The following AKNA variants were observed in gnomAD, a reference collection of about 807,000 sequenced individuals.
AKNA encodes the protein microtubule organization protein AKNA.
Under a neutral mutation model 138.8 loss-of-function variants are expected in AKNA, and 67 were observed. The observed-to-expected ratio is 0.48, with a 90% confidence interval of 0.40 to 0.59. The LOEUF (loss-of-function observed/expected upper bound fraction) is 0.59. Among genes scored for constraint, AKNA ranks in the 20% least tolerant of loss-of-function variants. The probability of loss-of-function intolerance (pLI) is 0.00; values close to 1 mark genes in which losing one functional copy is unlikely to be tolerated. For synonymous variants in AKNA, 737 were observed against 754.4 expected (o/e 0.98, Z 0.38); for missense variants, 1,813 against 1,880.4 (o/e 0.96, Z 0.66).
At chr9:114,396,913 C>T (rs1834551599), upstream of AKNA, 1 of 152,322 alleles carries the variant, frequency 6.6e-6, no homozygotes. Flanking sequence ...CACGCCCCCA[C>T]GGGGGGAAAC....
intron 18 of AKNA, chr9:114,345,111 C>T (rs1473863610): frequency 6.6e-6 from 1 of 151,866 alleles, no homozygotes; most frequent in Non-Finnish European, 1.5e-5. Flanking sequence ...CGGAGTCTCA[C>T]TGTCACCCAG....
intron 1 of AKNA, among the ~76,000 whole-genome samples, chr9:114,386,655 TCTC>T (rs1156984891): frequency 2.0e-5 from 3 of 151,978 alleles, no homozygotes; most frequent in Non-Finnish European, 4.4e-5. Context: ...CTTCTGCACA[TCTC>T]CTTCTTACAC....
In AKNA at chr9:114,343,773, G is replaced by A. The variant is rs151319826; in HGVS notation, c.3692C>T (p.Ala1231Val). ...GACTGTGCCATTGCCTTTTGGGACC[G>A]CCTTAGGGGACAGAACATGGTATTC... ...GHEYHVLSPK[A>V]VPKGNGTVSC... The change falls in exon 19 of 22, where the codon GCG (alanine) becomes GTG (valine). Residue 1231 changes from alanine to valine, a missense_variant. Physicochemically the swap from Ala to Val is moderately conservative, Grantham distance 64. Coordinates refer to ENST00000374088, the MANE Select transcript of AKNA (RefSeq NM_001317950.2). The A allele has an allele frequency of 6.3e-5, 102 of 1,613,824 alleles. No homozygotes were observed. Among genetic ancestry groups the A allele is most frequent in the African/African-American group, 1.3e-4 (10 of 74,936 alleles).
intron 15 of AKNA, among the ~76,000 whole-genome samples, chr9:114,349,791 C>G (rs1171105085): frequency 6.6e-6 from 1 of 152,212 alleles, no homozygotes; most frequent in African/African-American, 2.4e-5. Flanking sequence ...ACTAGAGGAT[C>G]TGGCTGACCG....
At chr9:114,389,776 G>C (rs1227004413), upstream of AKNA, among the ~76,000 whole-genome samples, 1 of 150,734 alleles carries the variant, frequency 6.6e-6, no homozygotes, top group African/African-American at 2.4e-5. Flanking sequence ...TGTGTTCTGT[G>C]AATGAATGAA....
chr9:114,348,920 C>T (rs909615059), intron 15 of AKNA: 1 of 456,236 alleles, frequency 2.2e-6, no homozygotes, highest in African/African-American at 2.0e-5. Context: ...TGAGTATCCC[C>T]TGGTGCCGCC....
At position 114,377,367 on chromosome 9, in the gene AKNA, T is replaced by A. The variant is rs951979530; in HGVS notation, c.440A>T (p.Glu147Val). The A allele has an allele frequency of 1.2e-6, 2 of 1,613,722 alleles. No individual in the cohort carries two copies. Among genetic ancestry groups the A allele is most frequent in the African/African-American group, 2.7e-5 (2 of 74,898 alleles). The change falls in exon 3 of 22, where the codon GAG becomes GTG. Residue 147 changes from glutamate (E) to valine (V), a missense_variant. Glu to Val is a moderately radical substitution (Grantham distance 121). Coordinates refer to ENST00000374088, the MANE Select transcript of AKNA (RefSeq NM_001317950.2). ...ATGGCCTTCCAAGCTGAGACCAGCC[T>A]CATACCCCAACCTTGAGGAGCTCTC... ...AGESSSRLGY[E>V]AGLSLEGHGN...
chr9:114,367,856 C>A (rs1832478736), intron 5 of AKNA, among the ~76,000 whole-genome samples, 159 bp from the exon 6 acceptor site: 1 of 152,250 alleles, frequency 6.6e-6, no homozygotes, highest in East Asian at 1.9e-4. Flanking sequence ...CTGGGTAGAA[C>A]ATTGTCCCCC....
At chr9:114,378,097 G>A (rs765426891) in intron 2 of AKNA, among the ~76,000 whole-genome samples, 7 of 152,110 alleles carry the variant, frequency 4.6e-5, no homozygotes, top group Non-Finnish European at 1.0e-4. Flanking sequence ...TCCTAAGGTC[G>A]CTGCCACCCC....
intron 14 of AKNA, among the ~76,000 whole-genome samples, chr9:114,354,189 C>T (rs1831324041): frequency 1.3e-5 from 2 of 151,896 alleles, no homozygotes; most frequent in South Asian, 4.2e-4. Flanking sequence ...CTATTTTTAA[C>T]TTTTTTTTAA....
chr9:114,355,546 G>A (rs1444143774), intron 14 of AKNA, among the ~76,000 whole-genome samples: 1 of 152,240 alleles, frequency 6.6e-6, no homozygotes, highest in African/African-American at 2.4e-5. Flanking sequence ...AAACATGTGA[G>A]TGAAGTGTTG....
chr9:114,341,884 C>T, intron 20 of AKNA, 125 bp downstream of exon 20: 1 of 1,302,720 alleles, frequency 7.7e-7, no homozygotes, highest in Admixed American at 1.8e-5. Context: ...AACAAATCCT[C>T]TGCCCCAGTT....
chr9:114,357,645 A>G lies in AKNA; in HGVS notation c.2739+276T>C, dbSNP rs528810318. 5.9e-5 allele frequency among the ~76,000 whole-genome samples: 9 copies of G among 152,324 alleles called. No homozygotes were observed. In the East Asian group the frequency reaches 1.7e-3, roughly 29 times the overall value. Reference sequence around the variant, plus strand: ...GTGATGTCTACTCTAAAGAGCATAGAACTAGTCTCTCCAGCTGTGATGGGC... The same window carrying G: ...GTGATGTCTACTCTAAAGAGCATAGGACTAGTCTCTCCAGCTGTGATGGGC... On this transcript the variant is annotated intron_variant, in intron 12 of 21. Transcript: ENST00000374088.
chr9:114,342,069 G>T lies in AKNA; in HGVS notation c.3814C>A (p.Pro1272Thr), dbSNP rs779849153. ...GPPPADTLQC[P>T]LCGQVGSPPE... ...GGAGACCCAACTTGACCACACAGGGGACACTGAAGGGTATCAGCGGGAGGC... is the reference window on the plus strand; with the variant it reads ...GGAGACCCAACTTGACCACACAGGGTACACTGAAGGGTATCAGCGGGAGGC... Residue 1272 changes from proline to threonine, a missense_variant, in exon 20 of 22, where the codon CCC becomes ACC. Coordinates refer to ENST00000374088, the MANE Select transcript of AKNA (RefSeq NM_001317950.2). 1.2e-6 allele frequency: 2 copies of T among 1,613,598 alleles called. No individual in the cohort carries two copies. Among genetic ancestry groups the T allele is most frequent in the Admixed American group, 1.7e-5 (1 of 59,934 alleles).
intron 4 of AKNA, among the ~76,000 whole-genome samples, chr9:114,372,734 C>T (rs16928495): frequency 0.043 from 6,550 of 152,210 alleles, 476 homozygotes; most frequent in African/African-American, 0.15. Context: ...AGTCTGCAGC[C>T]ATGGGAATGT....
At chr9:114,361,610 C>T in intron 9 of AKNA, 94 bp downstream of exon 9, 1 of 1,403,922 alleles carries the variant, frequency 7.1e-7, no homozygotes, top group Non-Finnish European at 1.0e-6. Context: ...ATATGGCACA[C>T]ACTTCATAAA....
Position 114,342,118 on chromosome 9 carries a change from A to G in AKNA, c.3765T>C (p.Ala1255=). The part of the protein sequence containing the change: ...RPIRTQDAGG[A]VTGDPLGPPP... ...GCGGTCCCAGTGGGTCCCCTGTGAC[A>G]GCACCACCTAGAAGAGGAGGAAGAG... The change falls in exon 20 of 22, where the codon GCT becomes GCC. Residue 1255 remains alanine (A), a synonymous_variant. Transcript: ENST00000374088. 6.3e-7 allele frequency: 1 copy of G among 1,593,896 alleles called. No individual in the cohort carries two copies. The highest frequency in any genetic ancestry group is 8.5e-7 in the Non-Finnish European group (1 of 1,171,228).
Position 114,358,145 on chromosome 9 carries a change from A to T in AKNA, c.2515T>A (p.Ser839Thr). 2 of 1,614,146 alleles carry T rather than the reference A, an allele frequency of 1.2e-6. No homozygotes were observed. Among genetic ancestry groups the T allele is most frequent in the Non-Finnish European group, 1.7e-6 (2 of 1,180,012 alleles). Residue 839 changes from serine (S) to threonine (T), a missense_variant, in exon 12 of 22, where the codon TCT becomes ACT. Ser to Thr is a moderately conservative substitution (Grantham distance 58). Coordinates refer to ENST00000374088, the MANE Select transcript of AKNA (RefSeq NM_001317950.2). The stretch of plus-strand genomic sequence containing the variant: ...GCCTGGAAACCTGGTGGCTTCATAG[A>T]TACCATCTTCTCCGTGGCCTCCCTG... ...PLEEATEKMVSMKPPGFQASL... is the reference protein window; with the variant it reads ...PLEEATEKMVTMKPPGFQASL...
intron 5 of AKNA, 26 bp downstream of exon 5, chr9:114,368,413 A>G (rs773846179): frequency 6.1e-6 from 8 of 1,309,512 alleles, no homozygotes; most frequent in Non-Finnish European, 7.8e-6. Flanking sequence ...AGGAGCCTCC[A>G]GCTGCAGCTC....
Sources: allele counts gnomAD v4.1 joint callset (sites outside exome capture counted in the v4.1 genomes callset), GRCh38; gene constraint gnomAD v4.1.1; transcripts MANE v1.5; gene names NCBI Gene and HGNC (gene_info 2026-07-23, HGNC 2026-07-21).